Variants in ZDHHC14 observed in about 807,000 individuals in gnomAD.
The protein encoded by ZDHHC14 is palmitoyltransferase ZDHHC14.
ZDHHC14 carries 16 observed loss-of-function variants against 47.7 expected under a neutral mutation model. The observed-to-expected ratio is 0.34, with a 90% CI of 0.23 to 0.51. The LOEUF is 0.51. Ranked by LOEUF, ZDHHC14 falls within the 20% of genes least tolerant of loss-of-function variation. The probability of loss-of-function intolerance (pLI) is 0.97; values close to 1 mark genes in which losing one functional copy is unlikely to be tolerated. For missense variants in ZDHHC14, 515 were observed against 662.5 expected, an observed-to-expected ratio of 0.78 and a Z score of 2.44; for synonymous variants, 293 against 278.9, an observed-to-expected ratio of 1.05 and a Z score of -0.50.
intron 1 of ZDHHC14, among the ~76,000 whole-genome samples, chr6:157,526,395 C>A (rs1323869337): frequency 6.6e-6 from 1 of 152,186 alleles, no homozygotes; most frequent in Non-Finnish European, 1.5e-5. Flanking sequence ...CCCACAACAC[C>A]ACGACCCTCT....
rs886955390 is a variant in ZDHHC14 at position 157,677,066 on chromosome 6, G to A, written c.*3944G>A. The A allele has an allele frequency of 6.6e-5, 10 of 152,054 alleles. No individual in the cohort carries two copies. Among genetic ancestry groups the A allele is most frequent in the Admixed American group, 4.6e-4 (7 of 15,276 alleles). The allele number at this position is 152,054 out of a possible 1,614,324, so 9.4% of individuals were successfully genotyped here. On this transcript the variant is annotated 3_prime_UTR_variant, in exon 9 of 9. Coordinates refer to ENST00000359775, the MANE Select transcript of ZDHHC14 (RefSeq NM_024630.3). ...CTTACTACTGTTTTGAAGCTGAGCC[G>A]AAATCAAATTGATGTTTACATTTTC...
intron 1 of ZDHHC14, among the ~76,000 whole-genome samples, chr6:157,455,700 T>C (rs973563790): frequency 1.3e-5 from 2 of 152,202 alleles, no homozygotes. Flanking sequence ...TTCGGGGACA[T>C]TGTAATTTTC....
At chr6:157,477,729 G>A (rs895581778) in intron 1 of ZDHHC14, among the ~76,000 whole-genome samples, 3 of 152,056 alleles carry the variant, frequency 2.0e-5, no homozygotes, top group African/African-American at 7.2e-5. Context: ...CCAGACCTGT[G>A]GTATATGGAA....
At chr6:157,544,624 T>C (rs1781900986) in intron 2 of ZDHHC14, among the ~76,000 whole-genome samples, 1 of 152,048 alleles carries the variant, frequency 6.6e-6, no homozygotes, top group Non-Finnish European at 1.5e-5. Context: ...CACTCCAGCC[T>C]GGGCAACAGA....
chr6:157,522,966 T>TTTCTTTC (rs1562461005), intron 1 of ZDHHC14, among the ~76,000 whole-genome samples: 1 of 26,310 alleles, frequency 3.8e-5, no homozygotes, highest in African/African-American at 2.0e-4. Flanking sequence ...TCCTTCTTTC[T>TTTCTTTC]TTTCTTTTCT....
intron 3 of ZDHHC14, among the ~76,000 whole-genome samples, chr6:157,615,603 A>G (rs1487708773): frequency 6.6e-6 from 1 of 152,208 alleles, no homozygotes; most frequent in Admixed American, 6.5e-5. Flanking sequence ...AACTGTGCAC[A>G]TCATATCACT....
chr6:157,415,634 G>T (rs1777958378), intron 1 of ZDHHC14, among the ~76,000 whole-genome samples: 1 of 152,184 alleles, frequency 6.6e-6, no homozygotes, highest in Non-Finnish European at 1.5e-5. Flanking sequence ...CAGCACTTGG[G>T]GAGGCCAAGG....
At chr6:157,446,983 G>T (rs1247805250) in intron 1 of ZDHHC14, among the ~76,000 whole-genome samples, 2 of 152,042 alleles carry the variant, frequency 1.3e-5, no homozygotes, top group African/African-American at 4.8e-5. Context: ...GCCAGGTGTG[G>T]TGGCACATGC....
intron 1 of ZDHHC14, among the ~76,000 whole-genome samples, chr6:157,439,346 A>G (rs776001505): frequency 6.6e-6 from 1 of 152,218 alleles, no homozygotes; most frequent in Non-Finnish European, 1.5e-5. Context: ...AAGGTGGGCA[A>G]AGGACATGAA....
At chr6:157,517,283 CAG>C (rs1780726503) in intron 1 of ZDHHC14, among the ~76,000 whole-genome samples, 1 of 151,464 alleles carries the variant, frequency 6.6e-6, no homozygotes, top group African/African-American at 2.4e-5. Flanking sequence ...GATGGGGACA[CAG>C]TACCCCCACT....
chr6:157,626,898 GGGC>G lies in ZDHHC14; in HGVS notation c.566-1445_566-1443del, dbSNP rs1562515772. Among the ~76,000 whole-genome samples, 31 of 148,732 alleles carry G rather than the reference GGGC, an allele frequency of 2.1e-4. 1 individual carries two copies. Among genetic ancestry groups the G allele is most frequent in the East Asian group, 6.4e-4 (3 of 4,698 alleles). On this transcript the variant is annotated intron_variant, in intron 3 of 8. Coordinates refer to ENST00000359775, the MANE Select transcript of ZDHHC14 (RefSeq NM_024630.3). ...GGGTTTGCTTTTCCAGCTGGGGGGG[GGGC>G]GGCGGGGGCAGCAACACATGTTAAC...
chr6:157,543,905 G>A (rs936811652), intron 2 of ZDHHC14, among the ~76,000 whole-genome samples: 4 of 152,198 alleles, frequency 2.6e-5, no homozygotes, highest in African/African-American at 7.2e-5. Flanking sequence ...ATAATTTTAA[G>A]GCTCACATTT....
chr6:157,670,753 C>A (rs1325176776), intron 8 of ZDHHC14, among the ~76,000 whole-genome samples: 1 of 151,178 alleles, frequency 6.6e-6, no homozygotes, highest in African/African-American at 2.5e-5. Context: ...AAGCAAGGAT[C>A]TTCGTGAGAC....
chr6:157,553,046 G>A (rs960002656), intron 2 of ZDHHC14, among the ~76,000 whole-genome samples: 4 of 152,306 alleles, frequency 2.6e-5, no homozygotes, highest in Admixed American at 1.3e-4. Flanking sequence ...ATTGGGCTCC[G>A]CTCCAAATAC....
chr6:157,422,509 C>A (rs1222188126), intron 1 of ZDHHC14, among the ~76,000 whole-genome samples: 1 of 152,170 alleles, frequency 6.6e-6, no homozygotes, highest in Non-Finnish European at 1.5e-5. Flanking sequence ...CCCCGGGAAG[C>A]AATCAGCTCT....
chr6:157,546,570 G>A (rs141170451), intron 2 of ZDHHC14, among the ~76,000 whole-genome samples: 2,332 of 152,200 alleles, frequency 0.015, 62 homozygotes, highest in African/African-American at 0.054. Flanking sequence ...GAATGTTCCC[G>A]ATGACTTAGG....
chr6:157,520,113 C>T (rs766848353), intron 1 of ZDHHC14, among the ~76,000 whole-genome samples: 3 of 152,162 alleles, frequency 2.0e-5, no homozygotes, highest in South Asian at 2.1e-4. Flanking sequence ...CATCGAGGTG[C>T]GTAGCCTCTC....
Position 157,613,417 on chromosome 6 carries a change from A to G in ZDHHC14, c.566-14932A>G, listed in dbSNP as rs556598439. On this transcript the variant is annotated intron_variant, in intron 3 of 8. Transcript: ENST00000359775. ...TTTCATGACTCACTATTTGATCACA[A>G]CCCTTAGTTTAAGAAATCCTGGAAT... Among the ~76,000 whole-genome samples the G allele has an allele frequency of 1.6e-4, 25 of 152,280 alleles. No homozygotes were observed. In the South Asian group the frequency reaches 5.2e-3, roughly 32 times the overall value.
chr6:157,467,496 A>G (rs537664149), intron 1 of ZDHHC14, among the ~76,000 whole-genome samples: 5 of 151,796 alleles, frequency 3.3e-5, no homozygotes, highest in African/African-American at 4.8e-5. Context: ...TGTAGTATCT[A>G]TGAGTTCTTC....
Sources: gnomAD v4.1 joint callset for allele counts (sites outside exome capture counted in the v4.1 genomes callset) on GRCh38, gnomAD v4.1.1 for gene constraint, MANE v1.5 for transcripts, NCBI Gene and HGNC (gene_info 2026-07-23, HGNC 2026-07-21) for gene names.